Variants in SGCZ observed in about 807,000 individuals in gnomAD.
SGCZ encodes sarcoglycan zeta, also known as zeta-sarcoglycan.
Under a neutral mutation model 41.3 loss-of-function variants are expected in SGCZ, and 40 were observed. That is an observed-to-expected ratio of 0.97 (90% CI 0.75 to 1.26). The LOEUF is 1.26. SGCZ is among the 50% of genes most tolerant of loss of function. The pLI is 0.00. For synonymous variants in SGCZ, 206 were observed against 137.5 expected (o/e 1.50, Z -3.49); for missense variants, 552 against 369.8 (o/e 1.49, Z -4.04).
intron 1 of SGCZ, among the ~76,000 whole-genome samples, chr8:14,848,353 C>G (rs1803204615): frequency 6.6e-6 from 1 of 152,100 alleles, no homozygotes; most frequent in African/African-American, 2.4e-5. Context: ...TTGACAAAAT[C>G]ACTTCAAATT....
intron 2 of SGCZ, among the ~76,000 whole-genome samples, chr8:14,387,743 A>G (rs957712682): frequency 6.6e-6 from 1 of 151,976 alleles, no homozygotes; most frequent in South Asian, 2.1e-4. Flanking sequence ...AAAAATATAT[A>G]ATTTTATTAT....
rs74984248 is a variant in SGCZ at position 14,911,233 on chromosome 8, G to A, written c.39+326352C>T. 2.8e-3 allele frequency among the ~76,000 whole-genome samples: 420 copies of A among 151,992 alleles called. 2 individuals carry two copies. Among genetic ancestry groups the A allele is most frequent in the Middle Eastern group, 0.014 (4 of 294 alleles). ...GTAATCACCATGGTGTCCACATCTG[G>A]CTTCATTAGAACCTAATGACTCACA... is the stretch of plus-strand genomic sequence containing the variant. On this transcript the variant is annotated intron_variant, in intron 1 of 7. Coordinates refer to ENST00000382080, the MANE Select transcript of SGCZ (RefSeq NM_139167.4).
intron 2 of SGCZ, among the ~76,000 whole-genome samples, chr8:14,339,674 A>G (rs894462639): frequency 6.6e-6 from 1 of 152,210 alleles, no homozygotes; most frequent in African/African-American, 2.4e-5. Flanking sequence ...TGAGTAAAGT[A>G]TAGTGCATGA....
At chr8:15,011,614 C>A (rs1802829896) in intron 1 of SGCZ, among the ~76,000 whole-genome samples, 1 of 152,160 alleles carries the variant, frequency 6.6e-6, no homozygotes, top group South Asian at 2.1e-4. Context: ...AACTCCCAGA[C>A]TATCTCAATT....
chr8:14,762,874 A>G (rs1310262834), intron 1 of SGCZ, among the ~76,000 whole-genome samples: 3 of 152,210 alleles, frequency 2.0e-5, no homozygotes, highest in Admixed American at 6.5e-5. Context: ...TAGAAAGAGC[A>G]TAGGGTTTGG....
rs1563265665 is a variant in SGCZ, at chr8:14,337,943, G to A, written c.235-13739C>T. Reference sequence around the variant, plus strand: ...GGGCCAGGTCAGAGGGACAACCAGGGTGTAACACATAGAAGGTTATAAGGA... The same window carrying A: ...GGGCCAGGTCAGAGGGACAACCAGGATGTAACACATAGAAGGTTATAAGGA... On this transcript the variant is annotated intron_variant, in intron 2 of 7. Coordinates refer to ENST00000382080, the MANE Select transcript of SGCZ (RefSeq NM_139167.4). Among the ~76,000 whole-genome samples the A allele has an allele frequency of 2.0e-5, 3 of 152,182 alleles. No individual in the cohort carries two copies. In the South Asian group the frequency reaches 6.2e-4, roughly 31 times the overall value.
intron 1 of SGCZ, among the ~76,000 whole-genome samples, chr8:15,027,572 T>C (rs1480872677): frequency 6.6e-6 from 1 of 152,058 alleles, no homozygotes; most frequent in Non-Finnish European, 1.5e-5. Context: ...ATAATTATTA[T>C]ACCTAAAGAT....
chr8:14,418,309 G>A (rs1423134800), intron 2 of SGCZ, among the ~76,000 whole-genome samples: 2 of 151,880 alleles, frequency 1.3e-5, no homozygotes, highest in Admixed American at 6.6e-5. Context: ...GTGAAGAGTA[G>A]AAAATGGGTT....
chr8:14,254,015 T>C (rs922016544), intron 3 of SGCZ, among the ~76,000 whole-genome samples: 6 of 152,196 alleles, frequency 3.9e-5, no homozygotes, highest in Non-Finnish European at 7.3e-5. Flanking sequence ...TATGCTTGTA[T>C]TAAAACAGTA....
At chr8:14,510,453 A>T (rs932980018) in intron 2 of SGCZ, among the ~76,000 whole-genome samples, 4 of 152,026 alleles carry the variant, frequency 2.6e-5, no homozygotes, top group African/African-American at 7.2e-5. Flanking sequence ...GAAAAAAAAA[A>T]CAAAGAAACT....
At chr8:14,864,110 C>G (rs940984658) in intron 1 of SGCZ, among the ~76,000 whole-genome samples, 2 of 152,176 alleles carry the variant, frequency 1.3e-5, no homozygotes, top group Non-Finnish European at 2.9e-5. Context: ...TATTCTTGAA[C>G]TAGATGCTCA....
At chr8:14,168,285 A>G (rs1454690604) in intron 4 of SGCZ, among the ~76,000 whole-genome samples, 1 of 151,426 alleles carries the variant, frequency 6.6e-6, no homozygotes, top group Non-Finnish European at 1.5e-5. Context: ...CCAACAACAA[A>G]CTAAGTTTAA....
At chr8:14,132,822 G>C (rs545284527) in intron 5 of SGCZ, among the ~76,000 whole-genome samples, 1 of 152,070 alleles carries the variant, frequency 6.6e-6, no homozygotes, top group East Asian at 1.9e-4. Context: ...CACCTTTTGC[G>C]AATTGTGCTG....
chr8:14,537,857 A>C (rs1363468192), intron 2 of SGCZ, among the ~76,000 whole-genome samples: 3 of 151,928 alleles, frequency 2.0e-5, no homozygotes, highest in Admixed American at 1.3e-4. Flanking sequence ...CCATATCCTT[A>C]TCAGGAGGAA....
At chr8:15,159,256 T>C (rs919174598) in intron 1 of SGCZ, among the ~76,000 whole-genome samples, 3 of 152,202 alleles carry the variant, frequency 2.0e-5, no homozygotes, top group South Asian at 2.1e-4. Context: ...AGAGCAGGCA[T>C]GGGAGCTCAC....
intron 1 of SGCZ, among the ~76,000 whole-genome samples, chr8:14,947,920 G>C (rs1243399016): frequency 6.6e-6 from 1 of 152,086 alleles, no homozygotes; most frequent in Non-Finnish European, 1.5e-5. Flanking sequence ...GATGTGAGTT[G>C]ATCTAATTAT....
At chr8:14,801,925 T>C (rs1801333756) in intron 1 of SGCZ, among the ~76,000 whole-genome samples, 1 of 152,196 alleles carries the variant, frequency 6.6e-6, no homozygotes, top group Non-Finnish European at 1.5e-5. Flanking sequence ...ATCCCAATCA[T>C]AGCACATGGA....
chr8:14,829,358 C>T (rs1044232065), intron 1 of SGCZ, among the ~76,000 whole-genome samples: 1 of 152,140 alleles, frequency 6.6e-6, no homozygotes, highest in African/African-American at 2.4e-5. Context: ...GACTAAATGG[C>T]TGGTATCATC....
chr8:14,537,703 T>C (rs1482017859), intron 2 of SGCZ, among the ~76,000 whole-genome samples: 2 of 151,930 alleles, frequency 1.3e-5, no homozygotes, highest in Admixed American at 6.6e-5. Flanking sequence ...ATATGAGCTT[T>C]ATCATGCTCA....
Sources: allele counts gnomAD v4.1 joint callset (sites outside exome capture counted in the v4.1 genomes callset), GRCh38; gene constraint gnomAD v4.1.1; transcripts MANE v1.5; gene names NCBI Gene and HGNC (gene_info 2026-07-23, HGNC 2026-07-21).